NR2E1: variants seen among roughly 807,000 people sequenced by gnomAD.
NR2E1 encodes nuclear receptor TLX.
Under a neutral mutation model 43.6 loss-of-function variants are expected in NR2E1, and 5 were observed. That is an observed-to-expected ratio of 0.11 (90% confidence interval 0.06 to 0.24). NR2E1 has a LOEUF of 0.24. Ranked by LOEUF, NR2E1 falls within the 10% of genes least tolerant of loss-of-function variation. The probability of loss-of-function intolerance (pLI) is 1.00; values close to 1 mark genes in which losing one functional copy is unlikely to be tolerated. For missense variants in NR2E1, 287 were observed against 496.7 expected, an observed-to-expected ratio of 0.58 and a Z score of 4.01; for synonymous variants, 191 against 195.5, an observed-to-expected ratio of 0.98 and a Z score of 0.19.
At chr6:108,168,148 T>C (rs750131582) in intron 1 of NR2E1, 1 of 1,598,778 alleles carries the variant, frequency 6.3e-7, no homozygotes, top group East Asian at 2.2e-5. Context: ...CCCTCGCTGT[T>C]GGAATCTCCA....
At position 108,187,400 on chromosome 6, in the gene NR2E1, A is replaced by G; in HGVS notation, c.1095A>G (p.Lys365=). Residue 365 remains lysine, a synonymous_variant, in exon 9 of 9, where the codon AAA becomes AAG. Transcript: ENST00000368986. ...PSTIEEVFFK[K]TIGNVPITRL... is the part of the protein sequence containing the mutation. ...CTATAGAAGAAGTGTTTTTCAAAAA[A>G]ACCATCGGCAATGTGCCAATTACAA... 6.2e-7 allele frequency: 1 copy of G among 1,614,222 alleles called. No homozygotes were observed. Among genetic ancestry groups the G allele is most frequent in the Non-Finnish European group, 8.5e-7 (1 of 1,180,034 alleles).
chr6:108,184,868 T>C (rs1453916897), intron 8 of NR2E1, among the ~76,000 whole-genome samples: 3 of 152,228 alleles, frequency 2.0e-5, no homozygotes, highest in Non-Finnish European at 4.4e-5. Context: ...TTCTATTAAA[T>C]ATTAGAATAG....
At chr6:108,181,053 G>C in intron 7 of NR2E1, 97 bp downstream of exon 7, 1 of 1,322,258 alleles carries the variant, frequency 7.6e-7, no homozygotes, top group Non-Finnish European at 1.1e-6. Flanking sequence ...TGCAAAAAGA[G>C]GTGATGGTTT....
Position 108,171,481 on chromosome 6 carries a change from A to C in NR2E1, c.49A>C (p.Lys17Gln). 1 of 1,613,876 alleles carries C rather than the reference A, an allele frequency of 6.2e-7. No individual in the cohort carries two copies. The highest frequency in any genetic ancestry group is 8.5e-7 in the Non-Finnish European group (1 of 1,180,018). ...AGGCCGCATTTTAGATATCCCCTGC[A>C]AAGTGTGTGGCGACCGCAGCTCGGG... Reference protein sequence around the residue: ...STSRILDIPCKVCGDRSSGKH... With the variant: ...STSRILDIPCQVCGDRSSGKH... The change falls in exon 2 of 9, where the codon AAA (lysine) becomes CAA (glutamine). Residue 17 changes from lysine (K) to glutamine (Q), a missense_variant. Physicochemically the swap from Lys to Gln is moderately conservative, Grantham distance 53. Around this residue, in one of 4 missense-constraint regions of NR2E1, gnomAD observed 46 missense variants for 132.3 expected, o/e 0.35. Coordinates refer to ENST00000368986, the MANE Select transcript of NR2E1 (RefSeq NM_003269.5).
intron 3 of NR2E1, chr6:108,176,249 G>A: frequency 3.4e-6 from 2 of 581,174 alleles, no homozygotes; most frequent in Non-Finnish European, 6.1e-6. Flanking sequence ...TCTTACTTGA[G>A]GCTCTGCCAT....
chr6:108,175,449 G>T (rs1414415693), intron 3 of NR2E1, among the ~76,000 whole-genome samples: 1 of 152,276 alleles, frequency 6.6e-6, no homozygotes, highest in African/African-American at 2.4e-5. Flanking sequence ...GGGCCGATGT[G>T]AGTCCAGGGC....
intron 8 of NR2E1, among the ~76,000 whole-genome samples, chr6:108,186,050 T>C (rs1026606385): frequency 6.6e-6 from 1 of 152,116 alleles, no homozygotes; most frequent in Non-Finnish European, 1.5e-5. Flanking sequence ...TGAAAAGAAG[T>C]GGCCAAGGTG....
intron 3 of NR2E1, chr6:108,176,197 C>G: frequency 4.6e-6 from 2 of 437,904 alleles, no homozygotes; most frequent in East Asian, 7.7e-5. Context: ...AACCCCCTTC[C>G]CTGGTGGGGA....
At position 108,180,941 on chromosome 6, in the gene NR2E1, G is replaced by A. The variant is rs761562692; in HGVS notation, c.874G>A (p.Val292Ile). 8.7e-6 allele frequency: 14 copies of A among 1,613,964 alleles called. No homozygotes were observed. In the Admixed American group the frequency reaches 1.0e-4, roughly 12 times the overall value. The change falls in exon 7 of 9, where the codon GTC becomes ATC. Residue 292 changes from valine to isoleucine, a missense_variant. Physicochemically the swap from Val to Ile is conservative, Grantham distance 29 (BLOSUM62 3). Transcript: ENST00000368986. This position sits in a 1 kb window ranked among gnomAD's most constrained non-coding sequence, Gnocchi z 5.4. ...TGAATTTGCCTGTCTAAAATGCATC[G>A]TCACTTTCAAAGCCGGTAAGCAGAC... ...ATEFACLKCI[V>I]TFKAVPTHSG...
chr6:108,170,040 G>A (rs1773784947), intron 1 of NR2E1, among the ~76,000 whole-genome samples: 1 of 150,426 alleles, frequency 6.6e-6, no homozygotes. Context: ...AGCTCGCCCG[G>A]ACGCCTCGGG....
At position 108,166,803 on chromosome 6, in the gene NR2E1, C is replaced by G. The variant is rs376239695; in HGVS notation, c.25+13C>G. 3.5e-5 allele frequency: 56 copies of G among 1,590,278 alleles called. No individual in the cohort carries two copies. Among genetic ancestry groups the G allele is most frequent in the Non-Finnish European group, 4.4e-5 (52 of 1,171,992 alleles). On this transcript the variant is annotated intron_variant, in intron 1 of 8. Transcript: ENST00000368986. The surrounding 1 kb of genome is among the most constrained non-coding windows in gnomAD (Gnocchi z 7.2). ...GCCGGATCAACAAGTGGGTACCTCT[C>G]GGGCCGCCGTGGGGCCTAGGCGCGC...
intron 4 of NR2E1, 47 bp from the exon 5 acceptor site, chr6:108,178,047 AG>A: frequency 6.2e-7 from 1 of 1,605,792 alleles, no homozygotes; most frequent in African/African-American, 1.3e-5. Context: ...CTTCTTGCAA[AG>A]CTGTGGTTTC....
At position 108,178,144 on chromosome 6, in the gene NR2E1, C is replaced by A; in HGVS notation, c.545C>A (p.Thr182Lys). 6.2e-7 allele frequency: 1 copy of A among 1,614,170 alleles called. No individual in the cohort carries two copies. Among genetic ancestry groups the A allele is most frequent in the South Asian group, 1.1e-5 (1 of 91,082 alleles). The change falls in exon 5 of 9, where the codon ACG becomes AAG. Residue 182 changes from threonine (T) to lysine (K), a missense_variant. Thr to Lys is a moderately conservative substitution (Grantham distance 78). This residue lies in a region of NR2E1 where 119 missense variants were observed against 155.7 expected (regional missense o/e 0.76). Transcript: ENST00000368986. ...GTPMYLYEVA[T>K]ESVCESAARL... ...CCAATGTATCTCTATGAAGTGGCCA[C>A]GGAGTCGGTGTGTGAATCAGCTGCC...
chr6:108,173,205 A>G (rs569315720), intron 2 of NR2E1, among the ~76,000 whole-genome samples: 1 of 152,292 alleles, frequency 6.6e-6, no homozygotes, highest in East Asian at 1.9e-4. Flanking sequence ...CTAGATATTT[A>G]TATACATTTG....
At chr6:108,177,930 C>T (rs1365050537) in intron 4 of NR2E1, among the ~76,000 whole-genome samples, 165 bp from the exon 5 acceptor site, 2 of 152,134 alleles carry the variant, frequency 1.3e-5, no homozygotes, top group African/African-American at 2.4e-5. Context: ...CTATAGACAG[C>T]GATGTTTGAT....
Position 108,171,732 on chromosome 6 carries a change from C to T in NR2E1, c.171+129C>T, listed in dbSNP as rs1773815609. The T allele has an allele frequency of 5.0e-6, 6 of 1,194,172 alleles. No individual in the cohort carries two copies. In the East Asian group the frequency reaches 9.3e-5, roughly 19 times the overall value. The allele number at this position is 1,194,172 out of a possible 1,614,324, so 74.0% of individuals were successfully genotyped here. A position where few individuals can be genotyped will look rare whatever the true frequency, so the allele number is the denominator to read the frequency against. On this transcript the variant is annotated intron_variant, in intron 2 of 8. Transcript: ENST00000368986. ...CCGGCCCTGACCTCTCCCTTCCTCTCCCCTCCTTCTTGCCTCAACTCTTGG... is the reference window on the plus strand; with the variant it reads ...CCGGCCCTGACCTCTCCCTTCCTCTTCCCTCCTTCTTGCCTCAACTCTTGG...
intron 1 of NR2E1, among the ~76,000 whole-genome samples, chr6:108,167,743 G>A (rs553310241): frequency 6.6e-6 from 1 of 152,136 alleles, no homozygotes; most frequent in African/African-American, 2.4e-5. Flanking sequence ...TCCCGAAGTT[G>A]CCTTGCTGCT....
intron 5 of NR2E1, among the ~76,000 whole-genome samples, chr6:108,178,506 C>A (rs1220263002): frequency 1.3e-5 from 2 of 152,198 alleles, no homozygotes; most frequent in Admixed American, 6.5e-5. Context: ...AACATTACCT[C>A]TTTTTGTTTG....
intron 2 of NR2E1, among the ~76,000 whole-genome samples, chr6:108,173,107 G>C (rs1480755204): frequency 6.6e-6 from 1 of 152,190 alleles, no homozygotes; most frequent in Non-Finnish European, 1.5e-5. Flanking sequence ...TGCTTGTAAA[G>C]GACTGATAAT....
Sources: gnomAD v4.1 joint callset for allele counts (sites outside exome capture counted in the v4.1 genomes callset) on GRCh38, gnomAD v4.1.1 for gene constraint, gnomAD v4.1.1 regional missense constraint, Gnocchi (gnomAD v3.1) non-coding constraint, MANE v1.5 for transcripts, NCBI Gene and HGNC (gene_info 2026-07-23, HGNC 2026-07-21) for gene names.